USE1: variants seen among roughly 807,000 people sequenced by gnomAD.
USE1 encodes vesicle transport protein USE1.
A neutral mutation model predicts 37.6 loss-of-function variants in USE1; 32 were observed. That is an observed-to-expected ratio of 0.85 (90% CI 0.64 to 1.14). The LOEUF is 1.14. Among genes scored for constraint, USE1 ranks in the 50% most tolerant of loss-of-function variants. The pLI is 0.00. For synonymous variants in USE1, 149 were observed against 137.6 expected (o/e 1.08, Z -0.58); for missense variants, 310 against 332.2 (o/e 0.93, Z 0.52).
intron 7 of USE1, 60 bp from the exon 8 acceptor site, chr19:17,219,571 A>G: frequency 1.3e-6 from 2 of 1,528,960 alleles, no homozygotes; most frequent in Non-Finnish European, 1.8e-6. Context: ...GTCCCAGGGA[A>G]GTAGAGAGAG....
Position 17,215,805 on chromosome 19 carries a change from G to C in USE1, c.106G>C (p.Val36Leu). The C allele has an allele frequency of 6.2e-7, 1 of 1,605,904 alleles. No homozygotes were observed. Among genetic ancestry groups the C allele is most frequent in the Non-Finnish European group, 8.5e-7 (1 of 1,177,246 alleles). The change falls in exon 2 of 8, where the codon GTG becomes CTG. Residue 36 changes from valine (V) to leucine (L), a missense_variant. Physicochemically the swap from Val to Leu is conservative, Grantham distance 32. Transcript: ENST00000263897. ...DPDEWRLEKY[V>L]GALEDMLQAL... ...ACAATCCACTTTTCCTCCCCAGTAC[G>C]TGGGAGCCCTAGAGGACATGTTGCA...
intron 5 of USE1, 65 bp downstream of exon 5, chr19:17,217,527 C>T (rs2073298126): frequency 1.3e-6 from 2 of 1,587,692 alleles, no homozygotes; most frequent in Admixed American, 1.8e-5. Flanking sequence ...TGTATCCTTG[C>T]TGCCCCGGGG....
At chr19:17,215,680 C>CG in intron 1 of USE1, 122 bp from the exon 2 acceptor site, 1 of 1,107,710 alleles carries the variant, frequency 9.0e-7, no homozygotes, top group Non-Finnish European at 1.3e-6. Context: ...GACTCCGCCC[C>CG]TCCCCCACTG....
rs892337917 is a variant in USE1, at chr19:17,215,510, G to A, written c.102+3G>A. ...CGGACGAGTGGCGCCTGGAGAAGGT[G>A]AGGGGATCTCGCACTGCCGCGTAGA... On this transcript the variant is annotated splice_donor_region_variant and intron_variant, in intron 1 of 7. Coordinates refer to ENST00000263897, the MANE Select transcript of USE1 (RefSeq NM_018467.4). 7.1e-6 allele frequency: 11 copies of A among 1,556,346 alleles called. No homozygotes were observed. The highest frequency in any genetic ancestry group is 8.7e-6 in the Non-Finnish European group (10 of 1,151,386).
In USE1 at chr19:17,216,028, G is replaced by C. The variant is rs753503613; in HGVS notation, c.189G>C (p.Trp63Cys). The change falls in exon 3 of 8, where the codon TGG (tryptophan) becomes TGC (cysteine). Residue 63 changes from tryptophan (W) to cysteine (C), a missense_variant. Transcript: ENST00000263897. Reference sequence around the variant, plus strand: ...CTGAGGTGATCAATGAATATTCCTGGAAGGTGGATTTTCTGAAGGGGATGC... The same window carrying C: ...CTGAGGTGATCAATGAATATTCCTGCAAGGTGGATTTTCTGAAGGGGATGC... ...PASEVINEYS[W>C]KVDFLKGMLQ... is the part of the protein sequence containing the mutation. 6.2e-7 allele frequency: 1 copy of C among 1,610,416 alleles called. No homozygotes were observed. Among genetic ancestry groups the C allele is most frequent in the South Asian group, 1.1e-5 (1 of 90,600 alleles).
Position 17,216,176 on chromosome 19 carries a change from C to T in USE1, c.239C>T (p.Ser80Phe). ...CTTCCCACATTTCTGCAGACCTCCTCCTCAGAGAAAGCACTGGCCAACCAG... is the reference window on the plus strand; with the variant it reads ...CTTCCCACATTTCTGCAGACCTCCTTCTCAGAGAAAGCACTGGCCAACCAG... ...GMLQAEKLTSSSEKALANQFL... is the reference protein window; with the variant it reads ...GMLQAEKLTSFSEKALANQFL... The change falls in exon 4 of 8, where the codon TCC (serine) becomes TTC (phenylalanine). Residue 80 changes from serine to phenylalanine, a missense_variant. Ser to Phe is a radical substitution (Grantham distance 155). Transcript: ENST00000263897. 5 of 1,612,826 alleles carry T rather than the reference C, an allele frequency of 3.1e-6. No individual in the cohort carries two copies. The highest frequency in any genetic ancestry group is 1.3e-5 in the African/African-American group (1 of 75,064).
At chr19:17,218,129 C>T (rs761410569) in intron 5 of USE1, 76 of 541,350 alleles carry the variant, frequency 1.4e-4, no homozygotes, top group Non-Finnish European at 2.3e-4. Context: ...GCACTCCCAG[C>T]CTATGGGACC....
Position 17,215,997 on chromosome 19 carries a change from C to G in USE1, c.158C>G (p.Pro53Arg). 6.2e-7 allele frequency: 1 copy of G among 1,604,242 alleles called. No individual in the cohort carries two copies. Among genetic ancestry groups the G allele is most frequent in the Non-Finnish European group, 8.5e-7 (1 of 1,175,406 alleles). Residue 53 changes from proline to arginine, a missense_variant, in exon 3 of 8, where the codon CCG becomes CGG. Transcript: ENST00000263897. The stretch of plus-strand genomic sequence containing the variant: ...TTCTTCTTCCTGCCTTCCAGCAAAC[C>G]GGCCTCTGAGGTGATCAATGAATAT... Reference protein sequence around the residue: ...LQALKVHASKPASEVINEYSW... With the variant: ...LQALKVHASKRASEVINEYSW...
In USE1 at chr19:17,215,563, G is replaced by C. The variant is rs1404881815; in HGVS notation, c.102+56G>C. On this transcript the variant is annotated intron_variant, in intron 1 of 7. Coordinates refer to ENST00000263897, the MANE Select transcript of USE1 (RefSeq NM_018467.4). The stretch of plus-strand genomic sequence containing the variant: ...CCGACTCCCGGGGGGTGATTCCTAG[G>C]GTTGGAAGCCACCTGGCCCGACTCC... 31 of 1,537,318 alleles carry C rather than the reference G, an allele frequency of 2.0e-5. No individual in the cohort carries two copies. In the East Asian group the frequency reaches 7.3e-4, roughly 36 times the overall value.
intron 7 of USE1, 36 bp from the exon 8 acceptor site, chr19:17,219,595 C>T: frequency 6.4e-7 from 1 of 1,566,758 alleles, no homozygotes; most frequent in Non-Finnish European, 8.7e-7. Context: ...ATTCTTGGCC[C>T]CAGTCCTGTT....
intron 6 of USE1, 88 bp downstream of exon 6, chr19:17,218,479 G>A: frequency 6.4e-7 from 1 of 1,554,670 alleles, no homozygotes; most frequent in Admixed American, 1.9e-5. Flanking sequence ...GACCACCGAG[G>A]CACTACCACA....
intron 4 of USE1, among the ~76,000 whole-genome samples, chr19:17,217,172 G>A (rs556676048): frequency 1.1e-4 from 16 of 139,954 alleles, no homozygotes; most frequent in African/African-American, 3.7e-4. Flanking sequence ...ATTCGCTCTT[G>A]TTGCCCAGGC....
Position 17,218,455 on chromosome 19 carries a change from G to A in USE1, c.422+64G>A, listed in dbSNP as rs116437866. 3,807 of 1,606,040 alleles carry A rather than the reference G, an allele frequency of 2.4e-3. 65 individuals are homozygous for A. In the African/African-American group the frequency reaches 0.037, roughly 16 times the overall value. On this transcript the variant is annotated intron_variant, in intron 6 of 7. Coordinates refer to ENST00000263897, the MANE Select transcript of USE1 (RefSeq NM_018467.4). Reference sequence around the variant, plus strand: ...GCGGTGCGGCAGGGACGGGGTAGCAGTGGCCAAACCCTGGACCACCGAGGC... The same window carrying A: ...GCGGTGCGGCAGGGACGGGGTAGCAATGGCCAAACCCTGGACCACCGAGGC...
chr19:17,215,686 C>CA, intron 1 of USE1, 116 bp from the exon 2 acceptor site: 1 of 1,088,172 alleles, frequency 9.2e-7, no homozygotes, highest in Non-Finnish European at 1.3e-6. Context: ...GCCCCTCCCC[C>CA]ACTGGCCCCG....
rs574452974 is a variant in USE1, at chr19:17,219,252, G to A, written c.462G>A (p.Leu154=). Residue 154 remains leucine, a synonymous_variant, in exon 7 of 8, where the codon TTG becomes TTA. Coordinates refer to ENST00000263897, the MANE Select transcript of USE1 (RefSeq NM_018467.4). The part of the protein sequence containing the change: ...AGSQPVSEKQ[L]AAELDLVLQR... ...CCCAGCCAGTGAGTGAGAAGCAGTT[G>A]GCAGCTGAGCTAGACCTCGTCCTGC... 36 of 1,613,722 alleles carry A rather than the reference G, an allele frequency of 2.2e-5. No homozygotes were observed. Among genetic ancestry groups the A allele is most frequent in the African/African-American group, 4.0e-5 (3 of 74,968 alleles).
At chr19:17,217,516 A>G (rs912972447) in intron 5 of USE1, 54 bp downstream of exon 5, 7 of 1,602,132 alleles carry the variant, frequency 4.4e-6, no homozygotes, top group Non-Finnish European at 2.6e-6. Flanking sequence ...AGGACAAGAC[A>G]TGTATCCTTG....
Position 17,215,459 on chromosome 19 carries a change from G to C in USE1, c.54G>C (p.Glu18Asp). The change falls in exon 1 of 8, where the codon GAG (glutamate) becomes GAC (aspartate). Residue 18 changes from glutamate (E) to aspartate (D), a missense_variant. Coordinates refer to ENST00000263897, the MANE Select transcript of USE1 (RefSeq NM_018467.4). ...LNLVRLLSRCEAMAAEKRDPD... is the reference protein window; with the variant it reads ...LNLVRLLSRCDAMAAEKRDPD... ...TGGTGCGGCTGCTATCCCGCTGCGA[G>C]GCGATGGCAGCGGAGAAACGGGACC... 2 of 1,564,234 alleles carry C rather than the reference G, an allele frequency of 1.3e-6. No homozygotes were observed. The highest frequency in any genetic ancestry group is 1.7e-6 in the Non-Finnish European group (2 of 1,156,026).
chr19:17,217,400 T>C (rs2073297298), intron 4 of USE1, 53 bp from the exon 5 acceptor site: 8 of 1,600,746 alleles, frequency 5.0e-6, no homozygotes, highest in South Asian at 1.1e-5. Flanking sequence ...CCTCCCAAAG[T>C]GCTGGGAGTG....
chr19:17,215,459 G>T lies in USE1; in HGVS notation c.54G>T (p.Glu18Asp). The change falls in exon 1 of 8, where the codon GAG (glutamate) becomes GAT (aspartate). Residue 18 changes from glutamate to aspartate, a missense_variant. Physicochemically the swap from Glu to Asp is conservative, Grantham distance 45. Coordinates refer to ENST00000263897, the MANE Select transcript of USE1 (RefSeq NM_018467.4). ...LNLVRLLSRC[E>D]AMAAEKRDPD... Reference sequence around the variant, plus strand: ...TGGTGCGGCTGCTATCCCGCTGCGAGGCGATGGCAGCGGAGAAACGGGACC... The same window carrying T: ...TGGTGCGGCTGCTATCCCGCTGCGATGCGATGGCAGCGGAGAAACGGGACC... 6.4e-7 allele frequency: 1 copy of T among 1,564,234 alleles called. No homozygotes were observed. Among genetic ancestry groups the T allele is most frequent in the South Asian group, 1.2e-5 (1 of 84,876 alleles).
Sources: gnomAD v4.1 joint callset for allele counts (sites outside exome capture counted in the v4.1 genomes callset) on GRCh38, gnomAD v4.1.1 for gene constraint, MANE v1.5 for transcripts, NCBI Gene and HGNC (gene_info 2026-07-23, HGNC 2026-07-21) for gene names.